MTA3: variants seen among roughly 807,000 people sequenced by gnomAD.
MTA3 encodes metastasis-associated protein MTA3.
In MTA3, 34 loss-of-function variants were observed where a neutral mutation model predicts 83.5. The ratio of observed to expected loss-of-function variants is 0.41; its 90% CI spans 0.31 to 0.54. MTA3 has a LOEUF of 0.54. Ranked by LOEUF, MTA3 falls within the 20% of genes least tolerant of loss-of-function variation. MTA3 has a pLI of 0.33. For synonymous variants in MTA3, 303 were observed against 252.7 expected, an observed-to-expected ratio of 1.20 and a Z score of -1.89; for missense variants, 761 against 726.4, an observed-to-expected ratio of 1.05 and a Z score of -0.55.
intron 8 of MTA3, among the ~76,000 whole-genome samples, chr2:42,677,498 A>G (rs747412078): frequency 2.6e-5 from 4 of 152,008 alleles, no homozygotes; most frequent in Non-Finnish European, 5.9e-5. Context: ...ATGTGCCACC[A>G]TGCCTGGCTG....
At chr2:42,590,285 A>G (rs923733869) in intron 3 of MTA3, among the ~76,000 whole-genome samples, 7 of 152,036 alleles carry the variant, frequency 4.6e-5, no homozygotes, top group South Asian at 2.1e-4. Context: ...TCTTGAATGG[A>G]TTAAATTAAT....
upstream of MTA3, among the ~76,000 whole-genome samples, chr2:42,494,268 C>T (rs1033752262): frequency 1.3e-5 from 2 of 152,084 alleles, no homozygotes; most frequent in African/African-American, 4.8e-5. Context: ...AGCCCAGCGC[C>T]GGGATGCCTG....
chr2:42,710,203 A>T (rs751133187), intron 14 of MTA3, among the ~76,000 whole-genome samples: 2 of 152,222 alleles, frequency 1.3e-5, no homozygotes, highest in Non-Finnish European at 2.9e-5. Context: ...TTAGCAGAAT[A>T]GTTGAAAGGC....
intron 2 of MTA3, among the ~76,000 whole-genome samples, chr2:42,544,338 C>T (rs966220708): frequency 1.3e-5 from 2 of 151,702 alleles, no homozygotes; most frequent in Non-Finnish European, 2.9e-5. Context: ...CCCAGCTACT[C>T]AGGAGGCTGA....
chr2:42,651,145 G>C (rs888963275), intron 6 of MTA3, among the ~76,000 whole-genome samples: 7 of 152,170 alleles, frequency 4.6e-5, no homozygotes, highest in Non-Finnish European at 1.0e-4. Context: ...TATAGAAAAG[G>C]TATTGTAAAA....
intron 9 of MTA3, among the ~76,000 whole-genome samples, chr2:42,689,981 T>A (rs1474620642): frequency 1.3e-5 from 2 of 152,112 alleles, no homozygotes; most frequent in South Asian, 2.1e-4. Context: ...TATCTTCTTA[T>A]TGATTGAAGC....
At chr2:42,513,898 G>C (rs1403777253) in intron 2 of MTA3, among the ~76,000 whole-genome samples, 2 of 152,168 alleles carry the variant, frequency 1.3e-5, no homozygotes, top group Non-Finnish European at 2.9e-5. Context: ...CTCAAATTGA[G>C]ACAGACATGA....
Position 42,614,612 on chromosome 2 carries a change from C to G in MTA3, c.317+5028C>G, listed in dbSNP as rs559083360. Among the ~76,000 whole-genome samples, 110 of 152,108 alleles carry G rather than the reference C, an allele frequency of 7.2e-4. 1 individual carries two copies. Among genetic ancestry groups the G allele is most frequent in the African/African-American group, 2.5e-3 (105 of 41,482 alleles). Reference sequence around the variant, plus strand: ...GCTTTGTGATGCTCGGGCTGTTGTACTCATTATATTAATATATAACCCAGT... The same window carrying G: ...GCTTTGTGATGCTCGGGCTGTTGTAGTCATTATATTAATATATAACCCAGT... On this transcript the variant is annotated intron_variant, in intron 4 of 16. Transcript: ENST00000405094.
intron 16 of MTA3, among the ~76,000 whole-genome samples, chr2:42,726,082 A>T (rs1009874539): frequency 6.6e-6 from 1 of 152,228 alleles, no homozygotes; most frequent in Admixed American, 6.5e-5. Flanking sequence ...AGTTATTACC[A>T]TCATATACTG....
At chr2:42,733,656 T>G (rs1231623692) in intron 16 of MTA3, among the ~76,000 whole-genome samples, 1 of 152,168 alleles carries the variant, frequency 6.6e-6, no homozygotes, top group Non-Finnish European at 1.5e-5. Context: ...TTTGCTTGTT[T>G]GTTTTTGTTA....
Position 42,754,369 on chromosome 2 carries a change from C to G in MTA3, c.*970C>G. ...GGGTATGAGTCTGTGTGGCCAACCC[C>G]ATGACCCCCACCCCTCCAGCCCAAC... is the stretch of plus-strand genomic sequence containing the variant. On this transcript the variant is annotated 3_prime_UTR_variant, in exon 17 of 17. Coordinates refer to ENST00000405094, the MANE Select transcript of MTA3 (RefSeq NM_001330442.2). The G allele has an allele frequency of 1.0e-6, 1 of 985,542 alleles. No homozygotes were observed. The highest frequency in any genetic ancestry group is 4.7e-5 in the South Asian group (1 of 21,292). The allele number at this position is 985,542 out of a possible 1,614,324, so 61.0% of individuals were successfully genotyped here.
intron 16 of MTA3, chr2:42,723,301 G>C (rs1035093869): frequency 9.5e-6 from 4 of 420,672 alleles, no homozygotes; most frequent in Non-Finnish European, 1.7e-5. Context: ...GATTGCTTCT[G>C]CTGGGTAATA....
intron 3 of MTA3, among the ~76,000 whole-genome samples, chr2:42,579,827 T>C (rs1175230443): frequency 6.6e-6 from 1 of 151,832 alleles, no homozygotes; most frequent in Non-Finnish European, 1.5e-5. Context: ...TAGGATTACA[T>C]GCATGAGCTA....
intron 2 of MTA3, among the ~76,000 whole-genome samples, chr2:42,536,342 G>A (rs1676233565): frequency 6.6e-6 from 1 of 151,810 alleles, no homozygotes; most frequent in Non-Finnish European, 1.5e-5. Context: ...GGGCCTGGTG[G>A]CACATGCCTG....
chr2:42,520,709 G>C (rs992739612), intron 2 of MTA3, among the ~76,000 whole-genome samples: 2 of 151,984 alleles, frequency 1.3e-5, no homozygotes, highest in Non-Finnish European at 2.9e-5. Flanking sequence ...AGGACTACAG[G>C]TGTGCACCAC....
chr2:42,669,063 A>G (rs1399741562), intron 8 of MTA3, among the ~76,000 whole-genome samples: 1 of 151,238 alleles, frequency 6.6e-6, no homozygotes, highest in East Asian at 1.9e-4. Flanking sequence ...ATAGTTTAGA[A>G]GGCACAACAG....
chr2:42,741,393 C>T (rs1669015058), intron 16 of MTA3, among the ~76,000 whole-genome samples: 1 of 152,222 alleles, frequency 6.6e-6, no homozygotes, highest in Non-Finnish European at 1.5e-5. Context: ...TTCCAAGTTG[C>T]ATTCACCACT....
chr2:42,722,077 G>A (rs1197514450), intron 15 of MTA3, among the ~76,000 whole-genome samples: 1 of 152,144 alleles, frequency 6.6e-6, no homozygotes, highest in East Asian at 1.9e-4. Context: ...AGGGTGGCTT[G>A]TGTGTAGTTG....
chr2:42,568,466 T>A (rs1678043937), upstream of MTA3: 25 of 50,224 alleles, frequency 5.0e-4, no homozygotes, highest in Non-Finnish European at 9.0e-4. Flanking sequence ...TCCCCCCCAA[T>A]TCCCGCTGGC....
Sources: allele counts gnomAD v4.1 joint callset (sites outside exome capture counted in the v4.1 genomes callset), GRCh38; gene constraint gnomAD v4.1.1; transcripts MANE v1.5; gene names NCBI Gene and HGNC (gene_info 2026-07-23, HGNC 2026-07-21).